Variants in ZFPM2 observed in about 807,000 individuals in gnomAD.
ZFPM2 encodes zinc finger protein ZFPM2.
In ZFPM2, 20 loss-of-function variants were observed where a neutral mutation model predicts 98.6. The observed-to-expected ratio is 0.20, with a 90% CI of 0.14 to 0.29. The LOEUF is 0.29. ZFPM2 is among the 10% of genes least tolerant of loss of function. ZFPM2 has a pLI of 1.00. For missense variants in ZFPM2, 1,310 were observed against 1,388.6 expected, an observed-to-expected ratio of 0.94 and a Z score of 0.90; for synonymous variants, 518 against 502.7, an observed-to-expected ratio of 1.03 and a Z score of -0.41.
intron 5 of ZFPM2, among the ~76,000 whole-genome samples, chr8:105,673,333 T>C (rs1254827728): frequency 1.3e-5 from 2 of 151,732 alleles, no homozygotes; most frequent in Non-Finnish European, 2.9e-5. Context: ...AGTAAACAAT[T>C]AAATTAAAAA....
At chr8:105,605,671 T>C (rs1816183282) in intron 4 of ZFPM2, among the ~76,000 whole-genome samples, 1 of 152,126 alleles carries the variant, frequency 6.6e-6, no homozygotes, top group Middle Eastern at 3.2e-3. Flanking sequence ...GTAATATTTG[T>C]CATATCAGCC....
intron 1 of ZFPM2, among the ~76,000 whole-genome samples, chr8:105,386,216 G>A (rs1445912589): frequency 6.6e-6 from 1 of 152,112 alleles, no homozygotes; most frequent in Admixed American, 6.5e-5. Context: ...CGAAAGTAGG[G>A]TATTTTTTAA....
intron 3 of ZFPM2, among the ~76,000 whole-genome samples, chr8:105,552,366 A>C (rs1271272331): frequency 5.9e-5 from 9 of 152,072 alleles, no homozygotes; most frequent in Admixed American, 3.3e-4. Flanking sequence ...CCAAAACATA[A>C]CCTTCCTCTG....
chr8:105,408,253 C>T (rs1811503457), intron 1 of ZFPM2, among the ~76,000 whole-genome samples: 1 of 151,880 alleles, frequency 6.6e-6, no homozygotes, highest in African/African-American at 2.4e-5. Context: ...TGTCTTTAGA[C>T]ACTCTTTTAA....
At chr8:105,394,837 C>T (rs1811189543) in intron 1 of ZFPM2, among the ~76,000 whole-genome samples, 2 of 152,174 alleles carry the variant, frequency 1.3e-5, no homozygotes, top group South Asian at 4.1e-4. Context: ...ATGCCTTCAA[C>T]ATTTTAAAAT....
intron 1 of ZFPM2, among the ~76,000 whole-genome samples, chr8:105,393,046 A>T (rs1811138929): frequency 6.6e-6 from 1 of 152,196 alleles, no homozygotes; most frequent in South Asian, 2.1e-4. Context: ...AAACGTCAGA[A>T]TCCCTCAATG....
intron 5 of ZFPM2, among the ~76,000 whole-genome samples, chr8:105,665,069 C>T (rs1817463580): frequency 6.6e-6 from 1 of 152,148 alleles, no homozygotes; most frequent in Non-Finnish European, 1.5e-5. Context: ...AGTCCAAGAG[C>T]ATGATGCAAA....
chr8:105,345,963 A>G (rs1172305610), intron 1 of ZFPM2, among the ~76,000 whole-genome samples: 1 of 152,198 alleles, frequency 6.6e-6, no homozygotes, highest in East Asian at 1.9e-4. Flanking sequence ...TTTTTCAATA[A>G]ATGTTTGCCA....
At chr8:105,651,093 G>T (rs191594518) in intron 5 of ZFPM2, among the ~76,000 whole-genome samples, 13 of 152,092 alleles carry the variant, frequency 8.5e-5, no homozygotes, top group Non-Finnish European at 1.9e-4. Context: ...GCTTGATCTA[G>T]TCATCCCCTT....
chr8:105,683,814 A>G (rs1810668694), intron 5 of ZFPM2, among the ~76,000 whole-genome samples: 1 of 152,148 alleles, frequency 6.6e-6, no homozygotes. Flanking sequence ...TTATTAATAC[A>G]TTTGTTAAAT....
intron 2 of ZFPM2, among the ~76,000 whole-genome samples, chr8:105,431,797 G>A (rs2130143515): frequency 6.6e-6 from 1 of 152,098 alleles, no homozygotes; most frequent in East Asian, 1.9e-4. Context: ...GTGCATACCT[G>A]TGGCCCCAGC....
At chr8:105,326,922 A>G (rs936383591) in intron 1 of ZFPM2, among the ~76,000 whole-genome samples, 3 of 151,198 alleles carry the variant, frequency 2.0e-5, no homozygotes, top group Admixed American at 6.6e-5. Flanking sequence ...CACAAAAGCT[A>G]TAACACCTAG....
intron 1 of ZFPM2, among the ~76,000 whole-genome samples, chr8:105,333,816 T>G (rs1812277571): frequency 6.6e-6 from 1 of 151,700 alleles, no homozygotes; most frequent in Non-Finnish European, 1.5e-5. Flanking sequence ...GTATGGCATG[T>G]ACCTATTTGT....
intron 4 of ZFPM2, among the ~76,000 whole-genome samples, chr8:105,609,245 C>T (rs1246294723): frequency 6.6e-6 from 1 of 151,812 alleles, no homozygotes; most frequent in Non-Finnish European, 1.5e-5. Flanking sequence ...TAGAGAGGAG[C>T]ATGGAGGCAA....
intron 3 of ZFPM2, among the ~76,000 whole-genome samples, chr8:105,507,775 C>T (rs977695378): frequency 6.6e-6 from 1 of 151,998 alleles, no homozygotes; most frequent in Admixed American, 6.6e-5. Context: ...GTGCTTGTAC[C>T]CCTGGAGAGG....
At position 105,375,608 on chromosome 8, in the gene ZFPM2, CACCAG is replaced by C. The variant is rs531690398; in HGVS notation, c.41-43535_41-43531del. 1.3e-4 allele frequency among the ~76,000 whole-genome samples: 20 copies of C among 152,276 alleles called. 1 individual carries two copies. In the South Asian group the frequency reaches 3.7e-3, roughly 28 times the overall value. ...TAACCAAGCAGATTAGAACTCCCTTCACCAGTTGAGTAGTGAAGATAGGAGTCTGT... is the reference window on the plus strand; with the variant it reads ...TAACCAAGCAGATTAGAACTCCCTTCTTGAGTAGTGAAGATAGGAGTCTGT... On this transcript the variant is annotated intron_variant, in intron 1 of 7. Transcript: ENST00000407775.
intron 3 of ZFPM2, among the ~76,000 whole-genome samples, chr8:105,501,765 G>A (rs1813600704): frequency 6.6e-6 from 1 of 152,134 alleles, no homozygotes; most frequent in South Asian, 2.1e-4. Flanking sequence ...GATTACAGGT[G>A]TGAGCCACCA....
At chr8:105,672,181 A>G (rs1389820961) in intron 5 of ZFPM2, among the ~76,000 whole-genome samples, 1 of 152,032 alleles carries the variant, frequency 6.6e-6, no homozygotes, top group African/African-American at 2.4e-5. Context: ...ATGTTTTAAC[A>G]TGTTATCTTG....
At chr8:105,330,607 TATAC>T (rs869268252) in intron 1 of ZFPM2, among the ~76,000 whole-genome samples, 50 of 27,048 alleles carry the variant, frequency 1.8e-3, no homozygotes, top group East Asian at 5.1e-3. Flanking sequence ...TATATATATA[TATAC>T]ACATATATAT....
Sources: allele counts gnomAD v4.1 joint callset (sites outside exome capture counted in the v4.1 genomes callset), GRCh38; gene constraint gnomAD v4.1.1; transcripts MANE v1.5; gene names NCBI Gene and HGNC (gene_info 2026-07-23, HGNC 2026-07-21).